The following ZMAT4 variants were observed in gnomAD, a reference collection of about 807,000 sequenced individuals.
The protein encoded by ZMAT4 is zinc finger matrin-type 4, also known as zinc finger matrin-type protein 4.
ZMAT4 carries 17 observed loss-of-function variants against 28.7 expected under a neutral mutation model. That is an observed-to-expected ratio of 0.59 (90% CI 0.41 to 0.89). ZMAT4 has a LOEUF of 0.89. Ranked by LOEUF, ZMAT4 falls within the 40% of genes least tolerant of loss-of-function variation. The pLI, the probability that ZMAT4 is intolerant of heterozygous loss-of-function variation, is 0.00. For missense variants in ZMAT4, 240 were observed against 283.8 expected, an observed-to-expected ratio of 0.85 and a Z score of 1.11; for synonymous variants, 117 against 109.2, an observed-to-expected ratio of 1.07 and a Z score of -0.44.
At chr8:40,641,197 T>C (rs1365008408) in intron 5 of ZMAT4, among the ~76,000 whole-genome samples, 1 of 152,152 alleles carries the variant, frequency 6.6e-6, no homozygotes, top group Non-Finnish European at 1.5e-5. Flanking sequence ...GATAAAATAA[T>C]CTATCTGTGG....
At chr8:40,537,716 G>T (rs1385429529) in intron 6 of ZMAT4, among the ~76,000 whole-genome samples, 1 of 152,150 alleles carries the variant, frequency 6.6e-6, no homozygotes, top group African/African-American at 2.4e-5. Context: ...ACAAATTAAT[G>T]AAATGTTAGA....
At chr8:40,630,894 A>T (rs547836215) in intron 5 of ZMAT4, among the ~76,000 whole-genome samples, 506 of 152,362 alleles carry the variant, frequency 3.3e-3, no homozygotes, top group Middle Eastern at 0.017. Flanking sequence ...AGTAAAATTA[A>T]TTTTAGTAAT....
chr8:40,758,359 A>C (rs1431413025), intron 3 of ZMAT4, among the ~76,000 whole-genome samples: 2 of 152,214 alleles, frequency 1.3e-5, no homozygotes, highest in African/African-American at 4.8e-5. Flanking sequence ...TGGTAGACTC[A>C]GTGAAATGAC....
chr8:40,757,443 G>A (rs1307891150), intron 3 of ZMAT4, among the ~76,000 whole-genome samples: 2 of 151,886 alleles, frequency 1.3e-5, no homozygotes, highest in Non-Finnish European at 1.5e-5. Flanking sequence ...AAAATTAGCC[G>A]GGCATGATGG....
At chr8:40,788,521 C>T (rs1249899261) in intron 2 of ZMAT4, among the ~76,000 whole-genome samples, 1 of 152,086 alleles carries the variant, frequency 6.6e-6, no homozygotes, top group Admixed American at 6.5e-5. Context: ...GTAGGCAGAG[C>T]TTGCAGTGAG....
At chr8:40,827,200 C>T (rs543340019) in intron 1 of ZMAT4, among the ~76,000 whole-genome samples, 33 of 152,274 alleles carry the variant, frequency 2.2e-4, no homozygotes, top group African/African-American at 7.5e-4. Context: ...ACTCAATGCT[C>T]CATACCTCAG....
chr8:40,687,270 G>A (rs905120198), intron 4 of ZMAT4, among the ~76,000 whole-genome samples: 1 of 152,186 alleles, frequency 6.6e-6, no homozygotes, highest in African/African-American at 2.4e-5. Context: ...CTGATGGCCA[G>A]CTGTTTCCCA....
chr8:40,542,625 C>A (rs927969106), intron 6 of ZMAT4, among the ~76,000 whole-genome samples: 1 of 152,106 alleles, frequency 6.6e-6, no homozygotes, highest in Non-Finnish European at 1.5e-5. Context: ...CTGGCCTCAA[C>A]TGATCCACCC....
intron 5 of ZMAT4, among the ~76,000 whole-genome samples, chr8:40,583,932 T>C (rs981346862): frequency 6.6e-6 from 1 of 152,200 alleles, no homozygotes; most frequent in Admixed American, 6.5e-5. Flanking sequence ...CAATCATATA[T>C]GCATTTGTCT....
intron 1 of ZMAT4, among the ~76,000 whole-genome samples, chr8:40,841,051 T>A (rs928794473): frequency 7.9e-5 from 12 of 152,218 alleles, no homozygotes; most frequent in Admixed American, 5.9e-4. Context: ...CCCTGTTGGA[T>A]GCTGGCGTCA....
chr8:40,892,929 C>T (rs2150672928), intron 1 of ZMAT4, among the ~76,000 whole-genome samples: 1 of 152,226 alleles, frequency 6.6e-6, no homozygotes, highest in East Asian at 1.9e-4. Context: ...GCTCCTGCCT[C>T]AGCTAAAAGC....
chr8:40,621,057 A>C (rs1348747918), intron 5 of ZMAT4, among the ~76,000 whole-genome samples: 1 of 152,212 alleles, frequency 6.6e-6, no homozygotes, highest in African/African-American at 2.4e-5. Context: ...AGTGGCATCC[A>C]CTATTTCTGG....
At chr8:40,726,120 C>A (rs1324250381) in intron 3 of ZMAT4, among the ~76,000 whole-genome samples, 1 of 152,208 alleles carries the variant, frequency 6.6e-6, no homozygotes, top group East Asian at 1.9e-4. Context: ...CAGGCTGGCA[C>A]TTTCAGAATT....
At chr8:40,746,984 C>T (rs1405577866) in intron 3 of ZMAT4, among the ~76,000 whole-genome samples, 1 of 152,140 alleles carries the variant, frequency 6.6e-6, no homozygotes, top group Non-Finnish European at 1.5e-5. Context: ...GTGATCTCTC[C>T]CCACGTGCTC....
intron 2 of ZMAT4, among the ~76,000 whole-genome samples, chr8:40,782,047 A>G (rs1475405669): frequency 6.6e-6 from 1 of 152,166 alleles, no homozygotes; most frequent in Non-Finnish European, 1.5e-5. Context: ...CACCAAAAGC[A>G]CATGTGACAA....
intron 3 of ZMAT4, among the ~76,000 whole-genome samples, chr8:40,722,502 AT>A (rs1286045321): frequency 1.3e-5 from 2 of 152,220 alleles, no homozygotes; most frequent in African/African-American, 4.8e-5. Context: ...GCTTGTAATG[AT>A]TTTTTTGTAG....
At chr8:40,807,030 T>C (rs1815110572) in intron 2 of ZMAT4, among the ~76,000 whole-genome samples, 1 of 150,244 alleles carries the variant, frequency 6.7e-6, no homozygotes, top group South Asian at 2.1e-4. Context: ...TCTTTCTGTG[T>C]ACCACTGTCA....
chr8:40,611,424 T>A (rs1462996260), intron 5 of ZMAT4, among the ~76,000 whole-genome samples: 1 of 152,050 alleles, frequency 6.6e-6, no homozygotes, highest in Non-Finnish European at 1.5e-5. Context: ...CACTGCAAGC[T>A]CCGCCTCCCA....
chr8:40,752,208 C>A (rs931937915), intron 3 of ZMAT4, among the ~76,000 whole-genome samples: 1 of 152,210 alleles, frequency 6.6e-6, no homozygotes, highest in Non-Finnish European at 1.5e-5. Context: ...TCACTTGGCA[C>A]CTATCTGGAA....
Sources: gnomAD v4.1 joint callset for allele counts (sites outside exome capture counted in the v4.1 genomes callset) on GRCh38, gnomAD v4.1.1 for gene constraint, MANE v1.5 for transcripts, NCBI Gene and HGNC (gene_info 2026-07-23, HGNC 2026-07-21) for gene names.